The following NUP155 variants were observed in gnomAD, a reference collection of about 807,000 sequenced individuals.
The protein encoded by NUP155 is nuclear pore complex protein Nup155.
In NUP155, 71 loss-of-function variants were observed where a neutral mutation model predicts 180.4. The ratio of observed to expected loss-of-function variants is 0.39; its 90% CI spans 0.33 to 0.48. The LOEUF (loss-of-function observed/expected upper bound fraction) is 0.48. Ranked by LOEUF, NUP155 falls within the 20% of genes least tolerant of loss-of-function variation. The probability of loss-of-function intolerance (pLI) is 0.91; values close to 1 mark genes in which losing one functional copy is unlikely to be tolerated. For missense variants in NUP155, 1,553 were observed against 1,648.9 expected (o/e 0.94, Z 1.01); for synonymous variants, 582 against 559.5 (o/e 1.04, Z -0.57).
chr5:37,333,172 T>C (rs955601299), intron 13 of NUP155, among the ~76,000 whole-genome samples: 1 of 151,094 alleles, frequency 6.6e-6, no homozygotes, highest in Non-Finnish European at 1.5e-5. Context: ...CTGGCCAACA[T>C]GGTGAAACCC....
intron 28 of NUP155, 152 bp from the exon 29 acceptor site, chr5:37,303,060 T>A (rs1742952458): frequency 9.2e-7 from 1 of 1,084,126 alleles, no homozygotes; most frequent in Non-Finnish European, 1.3e-6. Context: ...AAAAATCTAT[T>A]TTAGATTTCT....
intron 17 of NUP155, 120 bp from the exon 18 acceptor site, chr5:37,327,896 C>A: frequency 9.1e-7 from 1 of 1,098,752 alleles, no homozygotes; most frequent in Non-Finnish European, 1.3e-6. Flanking sequence ...ATTCAGAATT[C>A]TCATAACCCA....
intron 23 of NUP155, 139 bp downstream of exon 23, chr5:37,310,413 T>C: frequency 1.6e-6 from 1 of 626,856 alleles, no homozygotes; most frequent in East Asian, 2.7e-5. Flanking sequence ...TTCCAACCCC[T>C]TTCTTAGATG....
intron 11 of NUP155, 47 bp from the exon 12 acceptor site, chr5:37,337,965 A>G (rs1208751580): frequency 9.0e-7 from 1 of 1,107,240 alleles, no homozygotes; most frequent in Non-Finnish European, 1.4e-6. Flanking sequence ...TCAAATATGC[A>G]TCCTCAATAA....
chr5:37,358,573 G>A (rs1441435617), intron 3 of NUP155, among the ~76,000 whole-genome samples: 2 of 152,172 alleles, frequency 1.3e-5, no homozygotes, highest in Non-Finnish European at 1.5e-5. Flanking sequence ...AGGCTGAAGT[G>A]CAGTGGCACA....
chr5:37,301,368 C>A, intron 30 of NUP155, 69 bp downstream of exon 30: 2 of 1,022,494 alleles, frequency 2.0e-6, no homozygotes, highest in East Asian at 2.5e-5. Flanking sequence ...AAACAAAAAG[C>A]AAAATAAAAA....
chr5:37,365,411 C>T lies in NUP155; in HGVS notation c.158-1027G>A, dbSNP rs191419786. 8.3e-4 allele frequency among the ~76,000 whole-genome samples: 125 copies of T among 151,448 alleles called. 1 individual carries two copies. The highest frequency in any genetic ancestry group is 1.6e-3 in the Non-Finnish European group (107 of 67,882). ...CTGTATCAAAACATCTCATGCACCA[C>T]ATAAATATATACACCGTTGGGCGCG... On this transcript the variant is annotated intron_variant, in intron 1 of 34. Coordinates refer to ENST00000231498, the MANE Select transcript of NUP155 (RefSeq NM_153485.3).
intron 32 of NUP155, among the ~76,000 whole-genome samples, chr5:37,295,526 A>T (rs1439392899): frequency 2.0e-5 from 3 of 149,840 alleles, no homozygotes; most frequent in Non-Finnish European, 4.4e-5. Flanking sequence ...GGATGTGAGG[A>T]GCCCCTCTGC....
At chr5:37,315,703 G>A (rs1743841275) in intron 21 of NUP155, among the ~76,000 whole-genome samples, 1 of 152,212 alleles carries the variant, frequency 6.6e-6, no homozygotes, top group Admixed American at 6.5e-5. Context: ...ACCACTTTGG[G>A]AGGCCGAAGT....
chr5:37,314,090 C>T, intron 22 of NUP155, 108 bp downstream of exon 22: 1 of 804,268 alleles, frequency 1.2e-6, no homozygotes, highest in Non-Finnish European at 2.0e-6. Context: ...CTAACTTCAT[C>T]ATAACTTAAA....
intron 10 of NUP155, among the ~76,000 whole-genome samples, chr5:37,341,530 T>C (rs993113246): frequency 2.6e-5 from 4 of 151,770 alleles, no homozygotes; most frequent in African/African-American, 9.7e-5. Context: ...CCCGTCTAAT[T>C]TGTTTTATTT....
Position 37,349,237 on chromosome 5 carries a change from G to T in NUP155, c.838C>A (p.Leu280Ile). The T allele has an allele frequency of 1.3e-6, 1 of 797,950 alleles. No individual in the cohort carries two copies. Among genetic ancestry groups the T allele is most frequent in the Non-Finnish European group, 1.9e-6 (1 of 520,502 alleles). The allele number at this position is 797,950 out of a possible 1,614,324, so 49.4% of individuals were successfully genotyped here. A position where few individuals can be genotyped will look rare whatever the true frequency, so the allele number is the denominator to read the frequency against. The part of the protein sequence containing the change: ...QFTFSEDDPI[L>I]QIAIDNSRNI... ...CTAGAATTATCAATTGCAATTTGAA[G>T]AATAGGATCTAAAAGTAAGACAAAA... The change falls in exon 8 of 35, where the codon CTT (leucine) becomes ATT (isoleucine). Residue 280 changes from leucine to isoleucine, a missense_variant. Transcript: ENST00000231498.
chr5:37,331,772 A>G lies in NUP155; in HGVS notation c.1542T>C (p.Leu514=), dbSNP rs1379142291. 6.2e-7 allele frequency: 1 copy of G among 1,609,930 alleles called. No individual in the cohort carries two copies. Residue 514 remains leucine, a synonymous_variant, in exon 14 of 35, where the codon CTT becomes CTC. Transcript: ENST00000231498. The part of the protein sequence containing the change: ...SAQGSLMFHK[L]RPVDQLRHLL... ...GATGCCTCAGTTGATCTACAGGTCT[A>G]AGTTTATGAAACATAAGGCTCCCCT...
chr5:37,359,721 A>T (rs1486602714), intron 3 of NUP155, among the ~76,000 whole-genome samples: 1 of 152,220 alleles, frequency 6.6e-6, no homozygotes, highest in African/African-American at 2.4e-5. Context: ...CAAGAAAAAA[A>T]ACCCCAGTGT....
intron 12 of NUP155, among the ~76,000 whole-genome samples, chr5:37,334,367 T>G (rs542947115): frequency 6.6e-6 from 1 of 150,978 alleles, no homozygotes; most frequent in South Asian, 2.1e-4. Context: ...CCTCTCAAAG[T>G]GCTAATCAGG....
chr5:37,334,098 G>C (rs1035769699), intron 12 of NUP155, among the ~76,000 whole-genome samples: 2 of 151,204 alleles, frequency 1.3e-5, no homozygotes, highest in African/African-American at 4.9e-5. Flanking sequence ...ACCACACCTG[G>C]CCTCTGGGGT....
intron 22 of NUP155, among the ~76,000 whole-genome samples, chr5:37,311,651 C>T: frequency 6.7e-6 from 1 of 150,090 alleles, no homozygotes; most frequent in East Asian, 1.9e-4. Flanking sequence ...CCATACAGGA[C>T]AAGGAAAAAG....
At chr5:37,353,662 G>C (rs1746619188) in intron 4 of NUP155, among the ~76,000 whole-genome samples, 1 of 152,162 alleles carries the variant, frequency 6.6e-6, no homozygotes, top group Non-Finnish European at 1.5e-5. Context: ...GAGGACATAG[G>C]TTAAATAAAA....
At chr5:37,342,979 G>A (rs981128373) in intron 9 of NUP155, among the ~76,000 whole-genome samples, 4 of 152,108 alleles carry the variant, frequency 2.6e-5, no homozygotes, top group South Asian at 2.1e-4. Flanking sequence ...TCGCGTGAGC[G>A]TGATCCGCCC....
Sources: gnomAD v4.1 joint callset for allele counts (sites outside exome capture counted in the v4.1 genomes callset) on GRCh38, gnomAD v4.1.1 for gene constraint, MANE v1.5 for transcripts, NCBI Gene and HGNC (gene_info 2026-07-23, HGNC 2026-07-21) for gene names.